NRG4: variants seen among roughly 807,000 people sequenced by gnomAD.
NRG4 encodes pro-neuregulin-4, membrane-bound isoform.
Under a neutral mutation model 15.0 loss-of-function variants are expected in NRG4, and 10 were observed. The observed-to-expected ratio is 0.67, with a 90% CI of 0.41 to 1.13. NRG4 has a LOEUF of 1.13. Ranked by LOEUF, NRG4 falls within the 50% of genes most tolerant of loss-of-function variation. The probability of loss-of-function intolerance (pLI) is 0.00; values close to 1 mark genes in which losing one functional copy is unlikely to be tolerated. For synonymous variants in NRG4, 41 were observed against 50.1 expected, an observed-to-expected ratio of 0.82 and a Z score of 0.77; for missense variants, 139 against 140.2, an observed-to-expected ratio of 0.99 and a Z score of 0.04.
chr15:76,005,679 G>GAAAAAAAAAAAAAAAAA, intron 3 of NRG4: 1 of 148,536 alleles, frequency 6.7e-6, no homozygotes, highest in Admixed American at 8.0e-5. Context: ...CTCTGTCTCA[G>GAAAAAAAAAAAAAAAAA]AAAAAAAAAA....
At chr15:75,978,097 A>G (rs9796550) in intron 3 of NRG4, among the ~76,000 whole-genome samples, 66,853 of 152,020 alleles carry the variant, frequency 0.44, 15,625 homozygotes, top group South Asian at 0.67. Context: ...GATTACAGGC[A>G]TGAGCTACCG....
chr15:75,986,098 G>C (rs1236804954), intron 3 of NRG4, among the ~76,000 whole-genome samples: 1 of 152,102 alleles, frequency 6.6e-6, no homozygotes. Flanking sequence ...TATCAGATTG[G>C]TAAGAACCCA....
At chr15:76,018,799 A>G (rs8028995) in intron 5 of NRG4, among the ~76,000 whole-genome samples, 5,629 of 152,260 alleles carry the variant, frequency 0.037, 182 homozygotes, top group African/African-American at 0.085. Context: ...GTCAGGAGAC[A>G]CAGGGGTTAG....
intron 3 of NRG4, among the ~76,000 whole-genome samples, chr15:75,962,610 G>A (rs557763832): frequency 5.5e-4 from 83 of 152,032 alleles, no homozygotes; most frequent in African/African-American, 1.9e-3. Flanking sequence ...ATTCTCCACT[G>A]CCAACCAAAT....
At chr15:75,954,347 T>C (rs1285861777) in intron 5 of NRG4, among the ~76,000 whole-genome samples, 5 of 152,024 alleles carry the variant, frequency 3.3e-5, no homozygotes. Context: ...CTTCCATGTT[T>C]CTACTTGACT....
chr15:76,035,572 G>GA (rs143023547), intron 5 of NRG4, among the ~76,000 whole-genome samples: 145 of 147,076 alleles, frequency 9.9e-4, no homozygotes, highest in East Asian at 9.6e-3. Flanking sequence ...TAACAGAAGT[G>GA]AAAAAAAAAA....
intron 4 of NRG4, among the ~76,000 whole-genome samples, chr15:76,048,768 G>A (rs2035931956): frequency 2.7e-5 from 4 of 150,804 alleles, no homozygotes; most frequent in Admixed American, 2.0e-4. Flanking sequence ...ATAGGGGCCA[G>A]GCGTGGTGGT....
At chr15:76,021,830 A>G (rs1331584106) in intron 5 of NRG4, among the ~76,000 whole-genome samples, 1 of 152,218 alleles carries the variant, frequency 6.6e-6, no homozygotes, top group Non-Finnish European at 1.5e-5. Context: ...TTTCAAGCTA[A>G]CTTTTCACTA....
At chr15:75,976,903 G>A (rs1276011696) in intron 3 of NRG4, among the ~76,000 whole-genome samples, 1 of 152,188 alleles carries the variant, frequency 6.6e-6, no homozygotes, top group Non-Finnish European at 1.5e-5. Flanking sequence ...AGGCAGGAAC[G>A]TTTAAGTCTG....
intron 3 of NRG4, among the ~76,000 whole-genome samples, chr15:75,975,087 C>A (rs2033303358): frequency 6.6e-6 from 1 of 152,128 alleles, no homozygotes; most frequent in African/African-American, 2.4e-5. Flanking sequence ...CTGCATTGAT[C>A]CCTTTACCAT....
At chr15:75,976,359 C>T (rs572076753) in intron 3 of NRG4, among the ~76,000 whole-genome samples, 35 of 152,334 alleles carry the variant, frequency 2.3e-4, no homozygotes, top group African/African-American at 8.4e-4. Context: ...ACTCATTCTC[C>T]ATCCAGTTTT....
intron 5 of NRG4, among the ~76,000 whole-genome samples, chr15:76,035,226 C>A (rs2035572353): frequency 6.6e-6 from 1 of 152,188 alleles, no homozygotes; most frequent in African/African-American, 2.4e-5. Context: ...TTACAAGATG[C>A]CTGCTATAGC....
chr15:75,971,100 G>C (rs2033069327), intron 3 of NRG4: 1 of 306,018 alleles, frequency 3.3e-6, no homozygotes, highest in Admixed American at 4.4e-5. Flanking sequence ...TAATAAAACA[G>C]ATTGCCCTGT....
At chr15:75,947,531 CT>C (rs1199837944) in intron 5 of NRG4, among the ~76,000 whole-genome samples, 1 of 152,208 alleles carries the variant, frequency 6.6e-6, no homozygotes, top group Non-Finnish European at 1.5e-5. Context: ...TTTTGTGTCT[CT>C]TGTTTAAACT....
chr15:76,001,818 G>T (rs564351930), intron 3 of NRG4, among the ~76,000 whole-genome samples: 32 of 152,140 alleles, frequency 2.1e-4, no homozygotes, highest in Non-Finnish European at 2.2e-4. Flanking sequence ...TTTGAAAAAT[G>T]TGAACATATT....
intron 3 of NRG4, among the ~76,000 whole-genome samples, chr15:76,000,237 T>C (rs1241857482): frequency 6.6e-6 from 1 of 152,074 alleles, no homozygotes; most frequent in Non-Finnish European, 1.5e-5. Flanking sequence ...TAAAAAAAAT[T>C]GATAGATTTG....
intron 5 of NRG4, among the ~76,000 whole-genome samples, chr15:76,026,409 T>C (rs181177477): frequency 2.0e-5 from 3 of 152,252 alleles, no homozygotes; most frequent in Admixed American, 2.0e-4. Flanking sequence ...AGAAAAAAAC[T>C]ATCAGCAAAG....
intron 4 of NRG4, among the ~76,000 whole-genome samples, chr15:76,039,300 G>C (rs767206245): frequency 2.6e-5 from 4 of 152,204 alleles, no homozygotes; most frequent in Admixed American, 2.6e-4. Context: ...TGAAGAAACA[G>C]AAATACATGA....
chr15:75,949,575 A>G (rs1447935040), intron 5 of NRG4, among the ~76,000 whole-genome samples: 6 of 152,202 alleles, frequency 3.9e-5, no homozygotes, highest in Non-Finnish European at 8.8e-5. Context: ...TTTGAAGCAC[A>G]AAAGTTTTAA....
Sources: gnomAD v4.1 joint callset for allele counts (sites outside exome capture counted in the v4.1 genomes callset) on GRCh38, gnomAD v4.1.1 for gene constraint, MANE v1.5 for transcripts, NCBI Gene and HGNC (gene_info 2026-07-23, HGNC 2026-07-21) for gene names.